GRM7: variants seen among roughly 807,000 people sequenced by gnomAD.
The protein encoded by GRM7 is glutamate metabotropic receptor 7, also known as metabotropic glutamate receptor 7.
In GRM7, 35 loss-of-function variants were observed where a neutral mutation model predicts 84.5. That is an observed-to-expected ratio of 0.41 (90% CI 0.32 to 0.55). GRM7 has a LOEUF of 0.55. GRM7 is among the 20% of genes least tolerant of loss of function. GRM7 has a pLI of 0.19. For synonymous variants in GRM7, 487 were observed against 455.1 expected (o/e 1.07, Z -0.89); for missense variants, 1,003 against 1,194.6 (o/e 0.84, Z 2.36).
rs1457044858 is a variant in GRM7 at position 6,953,447 on chromosome 3, A to C, written c.519+91540A>C. Among the ~76,000 whole-genome samples, 5 of 152,212 alleles carry C rather than the reference A, an allele frequency of 3.3e-5. No homozygotes were observed. The South Asian group carries it at 1.0e-3, about 32-fold the overall frequency. On this transcript the variant is annotated intron_variant, in intron 1 of 9. Transcript: ENST00000357716. Reference sequence around the variant, plus strand: ...CTGCTGAATTGCTCACCATCTCTTGACAAACATAAAGAACTCTTTGGTCTT... The same window carrying C: ...CTGCTGAATTGCTCACCATCTCTTGCCAAACATAAAGAACTCTTTGGTCTT...
intron 1 of GRM7, among the ~76,000 whole-genome samples, chr3:6,974,061 G>A (rs1023045694): frequency 6.6e-6 from 1 of 152,112 alleles, no homozygotes; most frequent in Admixed American, 6.6e-5. Context: ...GAAATGAAGC[G>A]ATTGGATTCT....
intron 8 of GRM7, among the ~76,000 whole-genome samples, chr3:7,589,116 G>T (rs1458798738): frequency 6.6e-6 from 1 of 152,196 alleles, no homozygotes; most frequent in Non-Finnish European, 1.5e-5. Flanking sequence ...AGGCATCATG[G>T]CCAAATTACA....
At chr3:7,617,198 G>A (rs932792253) in intron 8 of GRM7, among the ~76,000 whole-genome samples, 3 of 152,082 alleles carry the variant, frequency 2.0e-5, no homozygotes, top group African/African-American at 2.4e-5. Context: ...CAAGCTTAAC[G>A]TTCCAATAAT....
At chr3:7,461,017 C>T (rs1402669870) in intron 6 of GRM7, among the ~76,000 whole-genome samples, 1 of 152,140 alleles carries the variant, frequency 6.6e-6, no homozygotes, top group African/African-American at 2.4e-5. Context: ...GACAAATACA[C>T]TGCTAAACCT....
intron 2 of GRM7, among the ~76,000 whole-genome samples, chr3:7,219,074 A>G (rs1696709585): frequency 6.6e-6 from 1 of 152,156 alleles, no homozygotes; most frequent in Non-Finnish European, 1.5e-5. Context: ...ACATATGTAT[A>G]AGGTCACACA....
At chr3:6,993,701 A>G (rs1694730612) in intron 1 of GRM7, among the ~76,000 whole-genome samples, 1 of 152,224 alleles carries the variant, frequency 6.6e-6, no homozygotes, top group South Asian at 2.1e-4. Flanking sequence ...AAGCTAAGCA[A>G]CTATGTTGGT....
At chr3:7,557,221 A>C (rs1029676652) in intron 7 of GRM7, among the ~76,000 whole-genome samples, 2 of 152,098 alleles carry the variant, frequency 1.3e-5, no homozygotes, top group Non-Finnish European at 2.9e-5. Context: ...ATGGTGCAAA[A>C]GGAGAAATGT....
At chr3:7,707,279 T>C (rs1056787007) in intron 9 of GRM7, among the ~76,000 whole-genome samples, 14 of 152,192 alleles carry the variant, frequency 9.2e-5, no homozygotes, top group African/African-American at 3.4e-4. Context: ...GAAGTTGGGC[T>C]ACATTTCAGC....
At chr3:7,002,441 A>G (rs1281030783) in intron 1 of GRM7, among the ~76,000 whole-genome samples, 3 of 152,188 alleles carry the variant, frequency 2.0e-5, no homozygotes, top group Non-Finnish European at 2.9e-5. Flanking sequence ...ATTACTGACA[A>G]AGAATCACTA....
chr3:7,471,099 A>G (rs1243886571), intron 7 of GRM7, among the ~76,000 whole-genome samples: 2 of 151,882 alleles, frequency 1.3e-5, no homozygotes, highest in Non-Finnish European at 2.9e-5. Context: ...CAAGCAAAAT[A>G]CCCACCTCAT....
intron 9 of GRM7, among the ~76,000 whole-genome samples, chr3:7,685,971 A>G (rs1700567680): frequency 6.6e-6 from 1 of 152,076 alleles, no homozygotes; most frequent in Non-Finnish European, 1.5e-5. Flanking sequence ...TCTCAACATT[A>G]TGTTACTTGT....
chr3:6,976,739 A>T (rs959288864), intron 1 of GRM7, among the ~76,000 whole-genome samples: 1 of 152,094 alleles, frequency 6.6e-6, no homozygotes. Flanking sequence ...TTCACAACCC[A>T]TGAGTTCACT....
At chr3:7,361,025 A>G (rs1367630845) in intron 4 of GRM7, among the ~76,000 whole-genome samples, 1 of 152,092 alleles carries the variant, frequency 6.6e-6, no homozygotes, top group East Asian at 1.9e-4. Flanking sequence ...TCCAAAAATT[A>G]TCTCCTAAAA....
chr3:7,014,835 C>T (rs1695502635), intron 1 of GRM7, among the ~76,000 whole-genome samples: 1 of 152,064 alleles, frequency 6.6e-6, no homozygotes. Context: ...ACTTCTGGGT[C>T]GGGTGGGGAC....
intron 1 of GRM7, among the ~76,000 whole-genome samples, chr3:6,865,532 A>G (rs570057568): frequency 2.3e-4 from 33 of 143,958 alleles, no homozygotes; most frequent in African/African-American, 7.3e-4. Context: ...ATTGAATGGC[A>G]TCTGATTCAG....
At chr3:6,953,093 G>T (rs539072759) in intron 1 of GRM7, among the ~76,000 whole-genome samples, 2 of 152,270 alleles carry the variant, frequency 1.3e-5, no homozygotes, top group South Asian at 4.1e-4. Flanking sequence ...TTCATTTCTT[G>T]TTCACATTGG....
At chr3:7,618,953 C>T (rs563109081) in intron 8 of GRM7, among the ~76,000 whole-genome samples, 5 of 151,922 alleles carry the variant, frequency 3.3e-5, no homozygotes, top group Non-Finnish European at 2.9e-5. Context: ...ACCAGAGGTT[C>T]GGAGATCAAA....
intron 8 of GRM7, among the ~76,000 whole-genome samples, chr3:7,621,050 C>T (rs568392262): frequency 3.2e-4 from 48 of 152,128 alleles, no homozygotes; most frequent in African/African-American, 6.0e-4. Context: ...ACTGTAGAAA[C>T]GGGATGCATT....
chr3:7,559,617 GC>G (rs918622784), intron 7 of GRM7, among the ~76,000 whole-genome samples: 1 of 152,028 alleles, frequency 6.6e-6, no homozygotes, highest in African/African-American at 2.4e-5. Flanking sequence ...ATTGCTTTAA[GC>G]CATCAATCAC....
Sources: gnomAD v4.1 joint callset for allele counts (sites outside exome capture counted in the v4.1 genomes callset) on GRCh38, gnomAD v4.1.1 for gene constraint, MANE v1.5 for transcripts, NCBI Gene and HGNC (gene_info 2026-07-23, HGNC 2026-07-21) for gene names.